Variants in NEXN observed in about 807,000 individuals in gnomAD.
NEXN encodes the protein nexilin.
A neutral mutation model predicts 92.6 loss-of-function variants in NEXN; 65 were observed. The ratio of observed to expected loss-of-function variants is 0.70; its 90% CI spans 0.57 to 0.86. NEXN has a LOEUF of 0.86. NEXN is among the 40% of genes least tolerant of loss of function. The pLI, the probability that NEXN is intolerant of heterozygous loss-of-function variation, is 0.00. For missense variants in NEXN, 778 were observed against 771.1 expected (o/e 1.01, Z -0.11); for synonymous variants, 254 against 242.5 (o/e 1.05, Z -0.44).
At chr1:77,891,496 T>C (rs1357397264) in intron 1 of NEXN, among the ~76,000 whole-genome samples, 1 of 151,970 alleles carries the variant, frequency 6.6e-6, no homozygotes, top group Non-Finnish European at 1.5e-5. Flanking sequence ...ACTCTTAGAT[T>C]AGAAGACAAG....
intron 1 of NEXN, among the ~76,000 whole-genome samples, chr1:77,896,965 A>G (rs1647292331): frequency 6.6e-6 from 1 of 152,194 alleles, no homozygotes; most frequent in Non-Finnish European, 1.5e-5. Context: ...ACCAGGAAGA[A>G]GTTGAATCTC....
At chr1:77,908,718 G>GTATTTTCC (rs1350833616) in intron 1 of NEXN, among the ~76,000 whole-genome samples, 1 of 152,098 alleles carries the variant, frequency 6.6e-6, no homozygotes, top group Non-Finnish European at 1.5e-5. Flanking sequence ...CATTATATAT[G>GTATTTTCC]CTCACTGGCA....
At chr1:77,933,102 A>G (rs1390853499) in intron 9 of NEXN, 180 bp from the exon 10 acceptor site, 5 of 484,572 alleles carry the variant, frequency 1.0e-5, no homozygotes, top group Non-Finnish European at 1.5e-5. Context: ...CAGAGGTTGT[A>G]GTGAGCTGAG....
intron 11 of NEXN, among the ~76,000 whole-genome samples, chr1:77,936,377 A>G (rs1034345637): frequency 3.3e-5 from 5 of 152,228 alleles, no homozygotes; most frequent in Admixed American, 3.3e-4. Context: ...CACATGATCC[A>G]GGAGTCCTAG....
At chr1:77,938,082 G>A (rs1281689607) in intron 11 of NEXN, among the ~76,000 whole-genome samples, 5 of 152,050 alleles carry the variant, frequency 3.3e-5, no homozygotes, top group African/African-American at 7.2e-5. Context: ...GTAACAATAC[G>A]GGAAACCAGA....
At chr1:77,908,531 G>C (rs1648328270) in intron 1 of NEXN, among the ~76,000 whole-genome samples, 1 of 151,534 alleles carries the variant, frequency 6.6e-6, no homozygotes, top group Admixed American at 6.6e-5. Context: ...CTCCCGAGTA[G>C]CTGGGATTAC....
At chr1:77,930,332 G>A (rs919494769) in intron 9 of NEXN, among the ~76,000 whole-genome samples, 1 of 152,028 alleles carries the variant, frequency 6.6e-6, no homozygotes, top group African/African-American at 2.4e-5. Flanking sequence ...ACTAAGTCTC[G>A]TTTATTCTAC....
At chr1:77,941,963 G>GT in intron 11 of NEXN, 60 bp from the exon 12 acceptor site, 6 of 1,521,028 alleles carry the variant, frequency 3.9e-6, no homozygotes, top group Non-Finnish European at 5.4e-6. Context: ...TTTAGAACTA[G>GT]TAACGCTTCT....
At chr1:77,903,125 AGAG>A (rs1425482614) in intron 1 of NEXN, among the ~76,000 whole-genome samples, 1 of 152,108 alleles carries the variant, frequency 6.6e-6, no homozygotes, top group Non-Finnish European at 1.5e-5. Flanking sequence ...GTGATACACT[AGAG>A]CACAGAGAGG....
intron 1 of NEXN, among the ~76,000 whole-genome samples, chr1:77,895,914 A>T (rs577278532): frequency 1.3e-5 from 2 of 151,916 alleles, no homozygotes; most frequent in African/African-American, 4.8e-5. Flanking sequence ...AGTGGCTCAC[A>T]TCTGTAATCC....
chr1:77,931,231 C>CAAAAAAAAAAAAAAAAAAAAAAAA (rs367898061), intron 9 of NEXN, among the ~76,000 whole-genome samples: 1 of 120,568 alleles, frequency 8.3e-6, no homozygotes, highest in African/African-American at 3.6e-5. Flanking sequence ...ACTAAAAATA[C>CAAAAAAAAAAAAAAAAAAAAAAAA]AAAAAAAAAA....
chr1:77,910,527 C>T (rs747210369), intron 1 of NEXN, among the ~76,000 whole-genome samples: 12 of 151,784 alleles, frequency 7.9e-5, no homozygotes, highest in Non-Finnish European at 1.6e-4. Flanking sequence ...CCAAGGCAGG[C>T]GGATCACGAG....
chr1:77,896,787 A>G (rs140720408), intron 1 of NEXN, among the ~76,000 whole-genome samples: 5,440 of 152,082 alleles, frequency 0.036, 238 homozygotes, highest in African/African-American at 0.098. Context: ...TAGAAAAGAG[A>G]GAAGAATCAA....
intron 5 of NEXN, among the ~76,000 whole-genome samples, chr1:77,920,619 TAAAAAAAAAAAA>T (rs66533373): frequency 0.022 from 1,455 of 67,364 alleles, 31 homozygotes; most frequent in African/African-American, 0.076. Flanking sequence ...CCCTGTCTCT[TAAAAAAAAAAAA>T]AAAAAAAAAA....
In NEXN at chr1:77,942,008, C is replaced by A; in HGVS notation, c.1474-15C>A. On this transcript the variant is annotated splice_polypyrimidine_tract_variant and intron_variant, in intron 11 of 12. Coordinates refer to ENST00000334785, the MANE Select transcript of NEXN (RefSeq NM_144573.4). ...GAAGGCAAGCAATTGTTAATCTTGG[C>A]CCACTTTCTTGCAGGAAGATGATGT... 1 of 1,609,618 alleles carries A rather than the reference C, an allele frequency of 6.2e-7. No individual in the cohort carries two copies. The highest frequency in any genetic ancestry group is 8.5e-7 in the Non-Finnish European group (1 of 1,177,322).
chr1:77,926,449 T>C lies in NEXN; in HGVS notation c.525T>C (p.Pro175=). The C allele has an allele frequency of 1.2e-6, 2 of 1,606,266 alleles. No homozygotes were observed. The highest frequency in any genetic ancestry group is 1.7e-6 in the Non-Finnish European group (2 of 1,175,434). The stretch of plus-strand genomic sequence containing the variant: ...ATTCACTACTTATAACTGTGGTACC[T>C]GTCAAATCATATAAAACATCTGGAA... The part of the protein sequence containing the change: ...GDDSLLITVV[P]VKSYKTSGKM... The change falls in exon 7 of 13, where the codon CCT becomes CCC. Residue 175 remains proline, a synonymous_variant. Coordinates refer to ENST00000334785, the MANE Select transcript of NEXN (RefSeq NM_144573.4).
intron 1 of NEXN, among the ~76,000 whole-genome samples, chr1:77,906,856 A>C (rs1648151588): frequency 6.6e-6 from 1 of 151,818 alleles, no homozygotes; most frequent in Admixed American, 6.6e-5. Flanking sequence ...GGGTCTTGCT[A>C]TGTTGCCCAG....
intron 1 of NEXN, among the ~76,000 whole-genome samples, chr1:77,909,154 C>T (rs12029146): frequency 6.6e-6 from 1 of 152,158 alleles, no homozygotes; most frequent in East Asian, 1.9e-4. Flanking sequence ...GGCATGGTGG[C>T]TCATGCCTGT....
intron 11 of NEXN, among the ~76,000 whole-genome samples, chr1:77,936,280 A>G (rs1650758469): frequency 6.6e-6 from 1 of 152,234 alleles, no homozygotes; most frequent in South Asian, 2.1e-4. Context: ...GGTTCACTCT[A>G]GCAAAAATGT....
Sources: gnomAD v4.1 joint callset for allele counts (sites outside exome capture counted in the v4.1 genomes callset) on GRCh38, gnomAD v4.1.1 for gene constraint, MANE v1.5 for transcripts, NCBI Gene and HGNC (gene_info 2026-07-23, HGNC 2026-07-21) for gene names.